PTPRT: variants seen among roughly 807,000 people sequenced by gnomAD.
The protein encoded by PTPRT is receptor-type tyrosine-protein phosphatase T.
Under a neutral mutation model 176.8 loss-of-function variants are expected in PTPRT, and 56 were observed. The observed-to-expected ratio is 0.32, with a 90% confidence interval of 0.26 to 0.40. PTPRT has a LOEUF of 0.40. PTPRT is among the 10% of genes least tolerant of loss of function. PTPRT has a pLI of 1.00. For missense variants in PTPRT, 1,540 were observed against 1,908.2 expected (o/e 0.81, Z 3.60); for synonymous variants, 783 against 739.0 (o/e 1.06, Z -0.96).
chr20:42,912,407 AT>A (rs1212632557), intron 1 of PTPRT, among the ~76,000 whole-genome samples: 8 of 152,190 alleles, frequency 5.3e-5, no homozygotes, highest in Non-Finnish European at 1.2e-4. Context: ...TGATTGGACT[AT>A]TTATCCATTC....
intron 6 of PTPRT, among the ~76,000 whole-genome samples, chr20:42,698,101 C>A (rs2075911546): frequency 6.6e-6 from 1 of 152,118 alleles, no homozygotes; most frequent in Non-Finnish European, 1.5e-5. Context: ...TCCTCTCCTA[C>A]CTTTGATTCC....
chr20:43,020,124 A>G (rs1985596503), intron 1 of PTPRT, among the ~76,000 whole-genome samples: 1 of 135,564 alleles, frequency 7.4e-6, no homozygotes, highest in African/African-American at 3.4e-5. Flanking sequence ...ATATATATAT[A>G]TATACATATG....
chr20:42,066,037 CT>C, the PTPRT span, among the ~76,000 whole-genome samples: 5,498 of 124,128 alleles, frequency 0.044, 122 homozygotes, highest in Middle Eastern at 0.062. Flanking sequence ...TAGTATATTA[CT>C]TTTTTTTTTT....
chr20:42,193,119 T>C (rs1350118270), intron 16 of PTPRT, among the ~76,000 whole-genome samples: 1 of 152,238 alleles, frequency 6.6e-6, no homozygotes, highest in African/African-American at 2.4e-5. Flanking sequence ...GGGCCCATTA[T>C]CTATTTGTCA....
At chr20:43,029,417 T>C (rs1986045343) in intron 1 of PTPRT, among the ~76,000 whole-genome samples, 1 of 152,206 alleles carries the variant, frequency 6.6e-6, no homozygotes, top group Admixed American at 6.5e-5. Context: ...GAATATGGCA[T>C]CACGCCACAA....
At chr20:42,630,256 C>A (rs6016854) in intron 7 of PTPRT, among the ~76,000 whole-genome samples, 4 of 151,914 alleles carry the variant, frequency 2.6e-5, no homozygotes, top group African/African-American at 4.8e-5. Context: ...GATTCTGTCC[C>A]AGAACCTCTA....
chr20:42,664,400 G>A (rs1019606842), intron 7 of PTPRT, among the ~76,000 whole-genome samples: 1 of 152,126 alleles, frequency 6.6e-6, no homozygotes, highest in Non-Finnish European at 1.5e-5. Flanking sequence ...AGTAAAATGT[G>A]TAAACCATGA....
chr20:42,051,793 C>T, the PTPRT span, among the ~76,000 whole-genome samples: 5 of 152,208 alleles, frequency 3.3e-5, no homozygotes, highest in African/African-American at 1.2e-4. Flanking sequence ...TCACAGTTAT[C>T]CCTGGGAGTA....
At chr20:42,760,542 A>G (rs375899324) in intron 5 of PTPRT, among the ~76,000 whole-genome samples, 5 of 152,272 alleles carry the variant, frequency 3.3e-5, no homozygotes, top group African/African-American at 1.2e-4. Flanking sequence ...TGAGCTTGAT[A>G]AACATTTTGT....
intron 7 of PTPRT, among the ~76,000 whole-genome samples, chr20:42,586,111 A>G (rs780253404): frequency 2.6e-5 from 4 of 152,172 alleles, no homozygotes; most frequent in Non-Finnish European, 5.9e-5. Context: ...TAAAAGGATT[A>G]CCAGCGATTC....
intron 1 of PTPRT, among the ~76,000 whole-genome samples, chr20:43,050,369 C>G (rs1249033916): frequency 6.6e-6 from 1 of 152,210 alleles, no homozygotes. Context: ...GGAGAGGGCA[C>G]TGCAAGGACA....
chr20:42,356,812 T>C (rs1224606080), intron 9 of PTPRT, among the ~76,000 whole-genome samples: 1 of 152,162 alleles, frequency 6.6e-6, no homozygotes, highest in East Asian at 1.9e-4. Flanking sequence ...GTGCGTGAGC[T>C]GGCCTCGCTC....
chr20:42,695,547 T>C (rs2075861494), intron 6 of PTPRT, among the ~76,000 whole-genome samples: 1 of 152,188 alleles, frequency 6.6e-6, no homozygotes, highest in African/African-American at 2.4e-5. Flanking sequence ...GAATAGTTAA[T>C]TTAAAATAAG....
At chr20:42,717,807 C>G (rs2076247701) in intron 6 of PTPRT, among the ~76,000 whole-genome samples, 1 of 152,008 alleles carries the variant, frequency 6.6e-6, no homozygotes, top group Admixed American at 6.6e-5. Flanking sequence ...TAAGACACAA[C>G]TCAATATAAA....
chr20:42,185,047 T>C (rs758556133), intron 16 of PTPRT, among the ~76,000 whole-genome samples: 6 of 152,024 alleles, frequency 3.9e-5, no homozygotes, highest in South Asian at 4.2e-4. Context: ...GGTCCAAATA[T>C]CTTCCTTTTT....
intron 1 of PTPRT, among the ~76,000 whole-genome samples, chr20:42,895,951 C>A (rs1443937564): frequency 6.6e-6 from 1 of 152,066 alleles, no homozygotes; most frequent in Non-Finnish European, 1.5e-5. Flanking sequence ...TGCTACTGAC[C>A]CTCTCCTCCA....
chr20:42,472,201 C>T, intron 8 of PTPRT, 65 bp downstream of exon 8: 1 of 1,521,316 alleles, frequency 6.6e-7, no homozygotes, highest in Non-Finnish European at 8.9e-7. Flanking sequence ...TCATAACTGA[C>T]TGCCATGGCC....
the PTPRT span, among the ~76,000 whole-genome samples, chr20:42,035,945 A>G: frequency 6.6e-6 from 1 of 152,326 alleles, no homozygotes; most frequent in East Asian, 1.9e-4. Flanking sequence ...ACCTTGAGAC[A>G]AGGGTTTGGG....
At chr20:42,527,513 T>C (rs987200980) in intron 7 of PTPRT, among the ~76,000 whole-genome samples, 3 of 152,226 alleles carry the variant, frequency 2.0e-5, no homozygotes. Flanking sequence ...CTCATCATTA[T>C]TTTCCAACAT....
Sources: allele counts gnomAD v4.1 joint callset (sites outside exome capture counted in the v4.1 genomes callset), GRCh38; gene constraint gnomAD v4.1.1; transcripts MANE v1.5; gene names NCBI Gene and HGNC (gene_info 2026-07-23, HGNC 2026-07-21).